DCDC2: variants seen among roughly 807,000 people sequenced by gnomAD.
The protein encoded by DCDC2 is doublecortin domain-containing protein 2.
A neutral mutation model predicts 50.2 loss-of-function variants in DCDC2; 40 were observed. The ratio of observed to expected loss-of-function variants is 0.80; its 90% CI spans 0.62 to 1.04. The LOEUF (loss-of-function observed/expected upper bound fraction) is 1.04. Among genes scored for constraint, DCDC2 ranks in the 50% least tolerant of loss-of-function variants. The pLI, the probability that DCDC2 is intolerant of heterozygous loss-of-function variation, is 0.00. For missense variants in DCDC2, 570 were observed against 581.9 expected (o/e 0.98, Z 0.21); for synonymous variants, 234 against 210.6 (o/e 1.11, Z -0.96).
chr6:24,268,732 C>T (rs1200619056), intron 7 of DCDC2, among the ~76,000 whole-genome samples: 3 of 151,926 alleles, frequency 2.0e-5, no homozygotes, highest in Non-Finnish European at 4.4e-5. Context: ...ACACTATGCC[C>T]GGCTAATTTT....
chr6:24,225,885 AAC>A (rs1414859162), intron 7 of DCDC2, among the ~76,000 whole-genome samples: 2 of 152,358 alleles, frequency 1.3e-5, no homozygotes, highest in Admixed American at 6.5e-5. Context: ...GAACAGTAAA[AAC>A]AGTCAGCATA....
chr6:24,180,189 A>G (rs1440110837), intron 8 of DCDC2, among the ~76,000 whole-genome samples: 1 of 152,160 alleles, frequency 6.6e-6, no homozygotes, highest in African/African-American at 2.4e-5. Context: ...AGATCCTAAA[A>G]AACATGGAAA....
intron 8 of DCDC2, among the ~76,000 whole-genome samples, chr6:24,194,557 G>A (rs1375677628): frequency 6.6e-6 from 1 of 152,166 alleles, no homozygotes; most frequent in Non-Finnish European, 1.5e-5. Flanking sequence ...ATAGTTACTG[G>A]TCTGTGTTTC....
At chr6:24,244,231 T>A (rs1263034442) in intron 7 of DCDC2, among the ~76,000 whole-genome samples, 2 of 152,200 alleles carry the variant, frequency 1.3e-5, no homozygotes, top group African/African-American at 4.8e-5. Flanking sequence ...AAAGGAAAGT[T>A]AAGAAATAGT....
At chr6:24,227,562 G>A (rs1384262230) in intron 7 of DCDC2, among the ~76,000 whole-genome samples, 1 of 152,212 alleles carries the variant, frequency 6.6e-6, no homozygotes. Flanking sequence ...ACAGATCTGA[G>A]ACAGGCCATA....
At chr6:24,348,704 T>C (rs1044291071) in intron 2 of DCDC2, among the ~76,000 whole-genome samples, 35 of 152,198 alleles carry the variant, frequency 2.3e-4, no homozygotes, top group African/African-American at 8.4e-4. Context: ...AAAGGGTCTA[T>C]TATATTTTAA....
At chr6:24,242,889 GA>G (rs1299139506) in intron 7 of DCDC2, among the ~76,000 whole-genome samples, 2 of 151,900 alleles carry the variant, frequency 1.3e-5, no homozygotes, top group African/African-American at 4.8e-5. Flanking sequence ...TTGAAACCAA[GA>G]GGCACAAGTT....
At chr6:24,186,527 TCC>T (rs145206898) in intron 8 of DCDC2, among the ~76,000 whole-genome samples, 4,001 of 152,274 alleles carry the variant, frequency 0.026, 88 homozygotes, top group African/African-American at 0.058. Flanking sequence ...AGAACAGTGG[TCC>T]CCTCAGTAGC....
chr6:24,180,504 G>A (rs570671763), intron 8 of DCDC2, among the ~76,000 whole-genome samples: 1 of 152,130 alleles, frequency 6.6e-6, no homozygotes, highest in South Asian at 2.1e-4. Flanking sequence ...TAGCCAGGAT[G>A]GTCTCGATCT....
intron 2 of DCDC2, among the ~76,000 whole-genome samples, chr6:24,336,748 A>C (rs916679831): frequency 2.0e-5 from 3 of 151,714 alleles, no homozygotes; most frequent in African/African-American, 7.3e-5. Context: ...CCAAATACCC[A>C]GTCTTCAAGA....
intron 7 of DCDC2, among the ~76,000 whole-genome samples, chr6:24,262,754 G>C (rs1763039371): frequency 6.6e-6 from 1 of 152,188 alleles, no homozygotes; most frequent in African/African-American, 2.4e-5. Flanking sequence ...GACACACCCA[G>C]GGCCAGAAGG....
chr6:24,368,439 A>G, the DCDC2 span, among the ~76,000 whole-genome samples: 2 of 152,228 alleles, frequency 1.3e-5, no homozygotes, highest in Admixed American at 1.3e-4. Flanking sequence ...ACAAAAAATC[A>G]AAAGAAATTA....
At chr6:24,333,518 C>A (rs1479720569) in intron 2 of DCDC2, among the ~76,000 whole-genome samples, 3 of 152,160 alleles carry the variant, frequency 2.0e-5, no homozygotes, top group Non-Finnish European at 4.4e-5. Flanking sequence ...ATCTCTAGTG[C>A]AGCCTGATAT....
chr6:24,196,548 T>C (rs1457659268), intron 8 of DCDC2, among the ~76,000 whole-genome samples: 1 of 151,998 alleles, frequency 6.6e-6, no homozygotes, highest in Non-Finnish European at 1.5e-5. Flanking sequence ...AGCCTCCCGA[T>C]TATCTGGAAT....
At chr6:24,237,904 C>T (rs900287057) in intron 7 of DCDC2, among the ~76,000 whole-genome samples, 1 of 151,294 alleles carries the variant, frequency 6.6e-6, no homozygotes, top group African/African-American at 2.4e-5. Context: ...GAACAACAGA[C>T]ACTGAGCACT....
At chr6:24,365,691 A>G in the DCDC2 span, 6 of 152,274 alleles carry the variant, frequency 3.9e-5, no homozygotes, top group African/African-American at 1.4e-4. Context: ...AATGATACAG[A>G]TAAGATTAGC....
chr6:24,329,087 C>T (rs2127238000), intron 2 of DCDC2, among the ~76,000 whole-genome samples: 1 of 152,210 alleles, frequency 6.6e-6, no homozygotes, highest in African/African-American at 2.4e-5. Context: ...TGCCATCTCT[C>T]AATGATAAAC....
chr6:24,244,379 A>G (rs1451007112), intron 7 of DCDC2, among the ~76,000 whole-genome samples: 1 of 152,226 alleles, frequency 6.6e-6, no homozygotes, highest in Non-Finnish European at 1.5e-5. Context: ...TGGTGGGAAA[A>G]GGACAGAAAA....
chr6:24,245,277 C>T (rs962376852), intron 7 of DCDC2, among the ~76,000 whole-genome samples: 3 of 152,144 alleles, frequency 2.0e-5, no homozygotes, highest in Non-Finnish European at 2.9e-5. Context: ...TAGGTTCGAG[C>T]GGCTGGGAGC....
Sources: allele counts gnomAD v4.1 joint callset (sites outside exome capture counted in the v4.1 genomes callset), GRCh38; gene constraint gnomAD v4.1.1; transcripts MANE v1.5; gene names NCBI Gene and HGNC (gene_info 2026-07-23, HGNC 2026-07-21).